The following PPP1R12B variants were observed in gnomAD, a reference collection of about 807,000 sequenced individuals.
PPP1R12B encodes the protein myosin phosphatase target subunit 2.
In PPP1R12B, 76 loss-of-function variants were observed where a neutral mutation model predicts 126.1. The ratio of observed to expected loss-of-function variants is 0.60; its 90% CI spans 0.50 to 0.73. The LOEUF is 0.73. Among genes scored for constraint, PPP1R12B ranks in the 30% least tolerant of loss-of-function variants. The probability of loss-of-function intolerance (pLI) is 0.00; values close to 1 mark genes in which losing one functional copy is unlikely to be tolerated. For synonymous variants in PPP1R12B, 356 were observed against 434.7 expected, an observed-to-expected ratio of 0.82 and a Z score of 2.25; for missense variants, 1,052 against 1,205.1, an observed-to-expected ratio of 0.87 and a Z score of 1.88.
Position 202,587,955 on chromosome 1 carries a change from T to C in PPP1R12B, c.*7395T>C, listed in dbSNP as rs1391693911. On this transcript the variant is annotated 3_prime_UTR_variant, in exon 24 of 24. Coordinates refer to ENST00000608999, the MANE Select transcript of PPP1R12B (RefSeq NM_002481.4). ...TACCTCCTTTTCTAGCCAGCATCCC[T>C]TGAACTTTTGAAAGGTTGTGCCTAC... 5.3e-5 allele frequency: 8 copies of C among 152,162 alleles called. No homozygotes were observed. Among genetic ancestry groups the C allele is most frequent in the African/African-American group, 1.7e-4 (7 of 41,438 alleles). The allele number at this position is 152,162 out of a possible 1,614,324, so 9.4% of individuals were successfully genotyped here. A position where few individuals can be genotyped will look rare whatever the true frequency, so the allele number is the denominator to read the frequency against.
rs1402478324 is a variant in PPP1R12B at position 202,439,421 on chromosome 1, C to A, written c.1459-1285C>A. On this transcript the variant is annotated intron_variant, in intron 10 of 23. Transcript: ENST00000608999. ...AGCGGAGCACGGAGACCGCCCTGTA[C>A]TGGAAAATGCTGGGCGACCCCAGCT... 3.2e-6 allele frequency: 4 copies of A among 1,265,852 alleles called. No individual in the cohort carries two copies. In the African/African-American group the frequency reaches 4.4e-5, roughly 14 times the overall value. The allele number at this position is 1,265,852 out of a possible 1,614,324, so 78.4% of individuals were successfully genotyped here. A position where few individuals can be genotyped will look rare whatever the true frequency, so the allele number is the denominator to read the frequency against.
In PPP1R12B at chr1:202,419,112, T is replaced by C. The variant is rs1668448681; in HGVS notation, c.422+2195T>C. Among the ~76,000 whole-genome samples the C allele has an allele frequency of 6.6e-6, 1 of 152,178 alleles. No homozygotes were observed. On this transcript the variant is annotated intron_variant, in intron 2 of 23. Transcript: ENST00000608999. The surrounding 1 kb of genome is among the most constrained non-coding windows in gnomAD (Gnocchi z 4.6). ...CAAAAGCAGGGAGCTTCAGAGGCTT[T>C]TTTCCTCATTTTAAAATGAGTTCAG...
chr1:202,580,382 G>T lies in PPP1R12B; in HGVS notation c.2863-92G>T. The T allele has an allele frequency of 3.4e-6, 3 of 883,514 alleles. No individual in the cohort carries two copies. The South Asian group carries it at 4.1e-5, about 12-fold the overall frequency. 54.7% of individuals were successfully genotyped at this position (883,514 alleles called of 1,614,324 possible). A position where few individuals can be genotyped will look rare whatever the true frequency, so the allele number is the denominator to read the frequency against. ...TTTATTCCACACATTGTCTCAAAAG[G>T]CCCTGCTCACCAGGCTGGCCTGGCC... is the stretch of plus-strand genomic sequence containing the variant. On this transcript the variant is annotated intron_variant, in intron 23 of 23. Transcript: ENST00000608999.
chr1:202,580,524 T>C lies in PPP1R12B; in HGVS notation c.2913T>C (p.Gly971=). 6.2e-7 allele frequency: 1 copy of C among 1,614,000 alleles called. No homozygotes were observed. Among genetic ancestry groups the C allele is most frequent in the Non-Finnish European group, 8.5e-7 (1 of 1,179,910 alleles). ...ACCAGAGGCTGAAAGATGAAAATGG[T>C]GCCCTCATCAGAGTCATCAGCAAAC... ...SDNQRLKDEN[G]ALIRVISKLS... is the part of the protein sequence containing the mutation. The change falls in exon 24 of 24, where the codon GGT becomes GGC. Residue 971 remains glycine (G), a synonymous_variant. Transcript: ENST00000608999.
intron 21 of PPP1R12B, among the ~76,000 whole-genome samples, chr1:202,566,813 T>TA (rs1558383524): frequency 6.6e-6 from 1 of 151,992 alleles, no homozygotes; most frequent in Non-Finnish European, 1.5e-5. Flanking sequence ...ATTTTTTTTT[T>TA]AAAAAAAGAA....
At chr1:202,467,714 T>C (rs1439178483) in intron 13 of PPP1R12B, among the ~76,000 whole-genome samples, 4 of 152,224 alleles carry the variant, frequency 2.6e-5, no homozygotes, top group African/African-American at 9.6e-5. Flanking sequence ...AGCAGCATGA[T>C]TTATAATCCT....
At chr1:202,473,800 C>T (rs1393722297) in intron 13 of PPP1R12B, 6 of 431,864 alleles carry the variant, frequency 1.4e-5, no homozygotes, top group South Asian at 8.6e-5. Context: ...CTCTGGCTTG[C>T]TGTATAGCAG....
chr1:202,358,408 C>T (rs1021240457), intron 1 of PPP1R12B, among the ~76,000 whole-genome samples: 19 of 152,176 alleles, frequency 1.2e-4, no homozygotes, highest in African/African-American at 4.3e-4. Context: ...TTTGCCCAGG[C>T]GCGGTGGCTC....
intron 13 of PPP1R12B, among the ~76,000 whole-genome samples, chr1:202,466,238 AC>A (rs1208897715): frequency 2.0e-5 from 3 of 151,478 alleles, no homozygotes; most frequent in African/African-American, 4.9e-5. Flanking sequence ...ATTCTGCCCC[AC>A]CCCCCAATCC....
At chr1:202,373,142 G>A (rs1660589898) in intron 1 of PPP1R12B, among the ~76,000 whole-genome samples, 1 of 151,936 alleles carries the variant, frequency 6.6e-6, no homozygotes, top group Admixed American at 6.6e-5. Context: ...CACCATGTTG[G>A]CCAGGCTGGT....
chr1:202,534,565 T>C (rs1238759292), intron 18 of PPP1R12B, among the ~76,000 whole-genome samples: 6 of 32,148 alleles, frequency 1.9e-4, no homozygotes, highest in Non-Finnish European at 2.9e-4. Flanking sequence ...AGCTTTCCCT[T>C]TTTTTTTTTT....
intron 21 of PPP1R12B, 34 bp downstream of exon 21, chr1:202,564,581 C>G (rs1490393627): frequency 6.5e-7 from 1 of 1,548,192 alleles, no homozygotes. Context: ...AGATGAGAAC[C>G]AAGGGTTGAT....
intron 18 of PPP1R12B, among the ~76,000 whole-genome samples, chr1:202,537,050 T>A (rs1325153792): frequency 2.6e-5 from 4 of 152,192 alleles, no homozygotes; most frequent in Admixed American, 2.6e-4. Flanking sequence ...AAATATAGTA[T>A]GGTAAATACC....
intron 14 of PPP1R12B, 82 bp downstream of exon 14, chr1:202,488,705 A>G (rs1678470779): frequency 5.1e-6 from 6 of 1,187,960 alleles, no homozygotes; most frequent in Admixed American, 2.0e-5. Context: ...TGCAATATCC[A>G]TGTTCAACTG....
intron 10 of PPP1R12B, chr1:202,439,943 C>CA (rs746216974): frequency 0.012 from 1,386 of 120,064 alleles, 2 homozygotes; most frequent in African/African-American, 0.013. Flanking sequence ...TCCTACCCTG[C>CA]AAAAAAAAAA....
At chr1:202,563,789 T>C (rs1425894524) in intron 20 of PPP1R12B, among the ~76,000 whole-genome samples, 1 of 152,184 alleles carries the variant, frequency 6.6e-6, no homozygotes, top group Non-Finnish European at 1.5e-5. Flanking sequence ...ATATTTAGGA[T>C]GGGCATGGTG....
intron 13 of PPP1R12B, among the ~76,000 whole-genome samples, chr1:202,473,368 T>C (rs1676187427): frequency 6.6e-6 from 1 of 152,254 alleles, no homozygotes; most frequent in South Asian, 2.1e-4. Flanking sequence ...AATTTGTTCC[T>C]GCATTTCTGT....
At chr1:202,438,486 G>C (rs544647112) in intron 10 of PPP1R12B, 78 of 411,318 alleles carry the variant, frequency 1.9e-4, no homozygotes, top group African/African-American at 1.2e-3. Context: ...TGGATGGGGT[G>C]GAGGATGCAG....
chr1:202,416,097 A>G (rs1036457271), intron 1 of PPP1R12B, among the ~76,000 whole-genome samples: 1 of 152,240 alleles, frequency 6.6e-6, no homozygotes, highest in East Asian at 1.9e-4. Flanking sequence ...GCAGTGAAAT[A>G]AAATAAAATT....
Sources: gnomAD v4.1 joint callset for allele counts (sites outside exome capture counted in the v4.1 genomes callset) on GRCh38, gnomAD v4.1.1 for gene constraint, Gnocchi (gnomAD v3.1) non-coding constraint, MANE v1.5 for transcripts, NCBI Gene and HGNC (gene_info 2026-07-23, HGNC 2026-07-21) for gene names.